Variants in DCAF6 observed in about 807,000 individuals in gnomAD.
The protein encoded by DCAF6 is DDB1- and CUL4-associated factor 6.
Under a neutral mutation model 125.1 loss-of-function variants are expected in DCAF6, and 54 were observed. The ratio of observed to expected loss-of-function variants is 0.43; its 90% CI spans 0.35 to 0.54. The LOEUF (loss-of-function observed/expected upper bound fraction) is 0.54. Among genes scored for constraint, DCAF6 ranks in the 20% least tolerant of loss-of-function variants. The pLI, the probability that DCAF6 is intolerant of heterozygous loss-of-function variation, is 0.01. For missense variants in DCAF6, 934 were observed against 1,161.7 expected (o/e 0.80, Z 2.85); for synonymous variants, 371 against 390.4 (o/e 0.95, Z 0.58).
the DCAF6 span, among the ~76,000 whole-genome samples, chr1:167,873,635 T>G: frequency 3.3e-5 from 5 of 152,328 alleles, no homozygotes; most frequent in African/African-American, 1.2e-4. Context: ...TACTCCCCTG[T>G]CTAATCTCGA....
At chr1:168,027,925 C>G (rs541953629) in intron 12 of DCAF6, among the ~76,000 whole-genome samples, 2 of 152,122 alleles carry the variant, frequency 1.3e-5, no homozygotes, top group South Asian at 4.2e-4. Context: ...TTTTAAGAAA[C>G]AAAATTGTAG....
intron 20 of DCAF6, among the ~76,000 whole-genome samples, chr1:168,067,803 C>T (rs1269708718): frequency 6.6e-6 from 1 of 151,786 alleles, no homozygotes; most frequent in Non-Finnish European, 1.5e-5. Context: ...CACTTTTTTC[C>T]TTTGCTCATG....
At chr1:167,949,711 G>T (rs918801569) in intron 1 of DCAF6, among the ~76,000 whole-genome samples, 11 of 152,142 alleles carry the variant, frequency 7.2e-5, no homozygotes, top group African/African-American at 2.7e-4. Flanking sequence ...TCCAAGAAAG[G>T]TAGCAGTCCA....
At position 168,004,603 on chromosome 1, in the gene DCAF6, A is replaced by G; in HGVS notation, c.1188A>G (p.Glu396=). 1 of 1,612,468 alleles carries G rather than the reference A, an allele frequency of 6.2e-7. No individual in the cohort carries two copies. The highest frequency in any genetic ancestry group is 8.5e-7 in the Non-Finnish European group (1 of 1,179,166). Reference sequence around the variant, plus strand: ...CAAGTCCTGATTTGGAAGTGAGTGAAACTGCAATGGAAGTAGATACTCCAG... The same window carrying G: ...CAAGTCCTGATTTGGAAGTGAGTGAGACTGCAATGGAAGTAGATACTCCAG... ...VPSSPDLEVS[E]TAMEVDTPAE... The change falls in exon 10 of 22, where the codon GAA becomes GAG. Residue 396 remains glutamate (E), a synonymous_variant. Coordinates refer to ENST00000367840, the MANE Select transcript of DCAF6 (RefSeq NM_001198956.2).
intron 4 of DCAF6, among the ~76,000 whole-genome samples, chr1:167,977,994 T>C (rs1293591346): frequency 6.6e-6 from 1 of 152,152 alleles, no homozygotes; most frequent in East Asian, 1.9e-4. Context: ...AAATATGGCT[T>C]TTTGTGTCTT....
chr1:168,009,621 C>T (rs1278615897), intron 10 of DCAF6, among the ~76,000 whole-genome samples: 1 of 150,660 alleles, frequency 6.6e-6, no homozygotes, highest in African/African-American at 2.4e-5. Context: ...CCTTCTTACA[C>T]TTTGTTCTTA....
At chr1:168,011,571 C>A (rs1388576001) in intron 10 of DCAF6, among the ~76,000 whole-genome samples, 2 of 152,138 alleles carry the variant, frequency 1.3e-5, no homozygotes, top group Non-Finnish European at 2.9e-5. Flanking sequence ...CTCTGTTGTG[C>A]ACCATATCAA....
chr1:167,975,731 G>GTTT (rs913660463), intron 4 of DCAF6, among the ~76,000 whole-genome samples: 2 of 152,106 alleles, frequency 1.3e-5, no homozygotes, highest in Non-Finnish European at 2.9e-5. Flanking sequence ...TGTTGTTGTT[G>GTTT]TTGTGGAGAC....
At chr1:167,865,049 A>G in the DCAF6 span, among the ~76,000 whole-genome samples, 1 of 152,244 alleles carries the variant, frequency 6.6e-6, no homozygotes, top group African/African-American at 2.4e-5. Flanking sequence ...ATTATCTGCG[A>G]AAGTCATAGA....
chr1:167,938,402 A>G (rs1442933383), intron 1 of DCAF6, among the ~76,000 whole-genome samples: 2 of 152,222 alleles, frequency 1.3e-5, no homozygotes, highest in Non-Finnish European at 1.5e-5. Flanking sequence ...ATTATTACAT[A>G]GTAGGTAACA....
intron 11 of DCAF6, among the ~76,000 whole-genome samples, chr1:168,021,290 G>A (rs1263746623): frequency 6.6e-6 from 1 of 151,922 alleles, no homozygotes; most frequent in East Asian, 1.9e-4. Context: ...GTTAAATGAG[G>A]GCATAATGAA....
At chr1:167,937,181 A>G in intron 1 of DCAF6, 173 bp downstream of exon 1, 2 of 622,356 alleles carry the variant, frequency 3.2e-6, no homozygotes, top group Non-Finnish European at 5.8e-6. Context: ...TCCCCCAGTC[A>G]AGCCCCCTGT....
chr1:167,892,753 T>C, the DCAF6 span, among the ~76,000 whole-genome samples: 2 of 152,188 alleles, frequency 1.3e-5, no homozygotes, highest in South Asian at 4.1e-4. Flanking sequence ...TGGACAGGCC[T>C]TTGTTACAAA....
At chr1:167,889,206 C>T in the DCAF6 span, among the ~76,000 whole-genome samples, 2 of 152,080 alleles carry the variant, frequency 1.3e-5, no homozygotes, top group African/African-American at 2.4e-5. Context: ...TACTAGTGGT[C>T]GGTCTATTCT....
rs369237362 is a variant in DCAF6, at chr1:168,035,963, G to C, written c.1610-2408G>C. Among the ~76,000 whole-genome samples, 24 of 152,284 alleles carry C rather than the reference G, an allele frequency of 1.6e-4. No individual in the cohort carries two copies. The East Asian group carries it at 4.4e-3, about 28-fold the overall frequency. ...TATAACCCCAGCTACTCTGGAGGCT[G>C]AGGCAGGAGAATTGCTGGAACCCGG... On this transcript the variant is annotated intron_variant, in intron 12 of 21. Transcript: ENST00000367840.
upstream of DCAF6, among the ~76,000 whole-genome samples, chr1:167,935,172 A>G (rs545316061): frequency 6.6e-6 from 1 of 152,314 alleles, no homozygotes; most frequent in East Asian, 1.9e-4. Flanking sequence ...AATTTCATAA[A>G]TAAGGATAGA....
chr1:167,974,907 G>A lies in DCAF6; in HGVS notation c.330G>A (p.Gln110=). 6.2e-7 allele frequency: 1 copy of A among 1,608,848 alleles called. No homozygotes were observed. The highest frequency in any genetic ancestry group is 8.5e-7 in the Non-Finnish European group (1 of 1,177,550). Residue 110 remains glutamine (Q), a synonymous_variant, in exon 4 of 22, where the codon CAG becomes CAA. Transcript: ENST00000367840. ...TCTTACCTTGTACAAATGATAAACA[G>A]ATTGTATCCTGCTCTGGAGATGGAG... is the stretch of plus-strand genomic sequence containing the variant. ...AKFLPCTNDK[Q]IVSCSGDGVI... is the part of the protein sequence containing the mutation.
chr1:167,905,352 A>T, the DCAF6 span, among the ~76,000 whole-genome samples: 18 of 152,346 alleles, frequency 1.2e-4, no homozygotes, highest in Admixed American at 8.5e-4. Flanking sequence ...GCCAATTTCT[A>T]TACAGAGGAA....
At chr1:168,036,530 T>C (rs759281088) in intron 12 of DCAF6, among the ~76,000 whole-genome samples, 30 of 152,238 alleles carry the variant, frequency 2.0e-4, no homozygotes, top group Non-Finnish European at 4.1e-4. Context: ...ATCCAATCTT[T>C]AGCTGTCTGT....
Sources: allele counts gnomAD v4.1 joint callset (sites outside exome capture counted in the v4.1 genomes callset), GRCh38; gene constraint gnomAD v4.1.1; transcripts MANE v1.5; gene names NCBI Gene and HGNC (gene_info 2026-07-23, HGNC 2026-07-21).